The following TWSG1 variants were observed in gnomAD, a reference collection of about 807,000 sequenced individuals.
The protein encoded by TWSG1 is twisted gastrulation protein homolog 1.
In TWSG1, 15 loss-of-function variants were observed where a neutral mutation model predicts 23.0. The ratio of observed to expected loss-of-function variants is 0.65; its 90% CI spans 0.44 to 1.00. The LOEUF is 1.00. Among genes scored for constraint, TWSG1 ranks in the 50% least tolerant of loss-of-function variants. The pLI is 0.00. For synonymous variants in TWSG1, 86 were observed against 92.8 expected (o/e 0.93, Z 0.42); for missense variants, 242 against 278.7 (o/e 0.87, Z 0.94).
In TWSG1 at chr18:9,337,251, G is replaced by T. The variant is rs751201828; in HGVS notation, c.22G>T (p.Val8Leu). ...AAACATGAAGTTACACTATGTTGCT[G>T]TGCTTACTCTAGCCATCCTGATGTT... Reference protein sequence around the residue: MKLHYVAVLTLAILMFLT... With the variant: MKLHYVALLTLAILMFLT... Residue 8 changes from valine (V) to leucine (L), a missense_variant, in exon 2 of 5, where the codon GTG (valine) becomes TTG (leucine). By Grantham distance (32) the Val-to-Leu change is conservative. Coordinates refer to ENST00000262120, the MANE Select transcript of TWSG1 (RefSeq NM_020648.6). The T allele has an allele frequency of 1.9e-6, 3 of 1,612,594 alleles. No individual in the cohort carries two copies. Among genetic ancestry groups the T allele is most frequent in the South Asian group, 2.2e-5 (2 of 91,076 alleles).
chr18:9,370,890 C>A (rs1002890106), intron 3 of TWSG1, among the ~76,000 whole-genome samples: 7 of 151,996 alleles, frequency 4.6e-5, no homozygotes, highest in African/African-American at 1.7e-4. Flanking sequence ...TAAACTTTTT[C>A]TTCCAAAAAA....
intron 2 of TWSG1, among the ~76,000 whole-genome samples, chr18:9,338,838 C>T (rs1393810413): frequency 6.6e-6 from 1 of 152,152 alleles, no homozygotes; most frequent in Non-Finnish European, 1.5e-5. Flanking sequence ...GATGGAAATT[C>T]TCTTAAATTC....
intron 2 of TWSG1, among the ~76,000 whole-genome samples, chr18:9,359,496 T>G (rs1291230428): frequency 6.6e-6 from 1 of 152,242 alleles, no homozygotes; most frequent in South Asian, 2.1e-4. Context: ...AATTGCCACC[T>G]TCTTTGTAAA....
chr18:9,336,628 T>C (rs1568029532), intron 1 of TWSG1, among the ~76,000 whole-genome samples: 1 of 152,074 alleles, frequency 6.6e-6, no homozygotes, highest in Non-Finnish European at 1.5e-5. Context: ...TATAATACAA[T>C]ATTAATAGTT....
intron 3 of TWSG1, among the ~76,000 whole-genome samples, chr18:9,362,415 C>T (rs1006100899): frequency 6.6e-6 from 1 of 152,080 alleles, no homozygotes; most frequent in African/African-American, 2.4e-5. Flanking sequence ...GCCATGTTGC[C>T]CAGGCTGGTC....
In TWSG1 at chr18:9,396,375, C is replaced by G. The variant is rs1458974116; in HGVS notation, c.319C>G (p.Leu107Val). ...HEPIPSLFRALTEGDTQLNWN... is the reference protein window; with the variant it reads ...HEPIPSLFRAVTEGDTQLNWN... ...ACCGATCCCTTCTCTCTTCCGGGCA[C>G]TCACAGAAGGAGATACTCAGTTGAA... The change falls in exon 4 of 5, where the codon CTC becomes GTC. Residue 107 changes from leucine to valine, a missense_variant. Transcript: ENST00000262120. The G allele has an allele frequency of 6.2e-7, 1 of 1,614,042 alleles. No individual in the cohort carries two copies. Among genetic ancestry groups the G allele is most frequent in the Non-Finnish European group, 8.5e-7 (1 of 1,180,030 alleles).
In TWSG1 at chr18:9,361,388, G is replaced by A. The variant is rs77343068; in HGVS notation, c.223+1317G>A. 5.7e-3 allele frequency among the ~76,000 whole-genome samples: 868 copies of A among 152,258 alleles called. 10 individuals are homozygous for A. The highest frequency in any genetic ancestry group is 0.02 in the African/African-American group (832 of 41,542). ...TTGCATGATTTCCATTTTCTCAGGT[G>A]TCTGGTGACCCTTGGCTGTCTATTC... On this transcript the variant is annotated intron_variant, in intron 3 of 4. Transcript: ENST00000262120.
At chr18:9,402,417 ATGAG>A (rs1298830707) in exon 5 of TWSG1, 1 of 152,222 alleles carries the variant, frequency 6.6e-6, no homozygotes, top group Non-Finnish European at 1.5e-5. Flanking sequence ...AAAAATTGAA[ATGAG>A]TGAGTCATAT....
At chr18:9,353,947 G>A (rs1159356540) in intron 2 of TWSG1, among the ~76,000 whole-genome samples, 4 of 152,074 alleles carry the variant, frequency 2.6e-5, no homozygotes, top group African/African-American at 9.7e-5. Flanking sequence ...GATTAAACTT[G>A]GGCAATAGCA....
At chr18:9,335,536 G>C (rs376626199) in intron 1 of TWSG1, among the ~76,000 whole-genome samples, 1 of 152,290 alleles carries the variant, frequency 6.6e-6, no homozygotes, top group East Asian at 1.9e-4. Flanking sequence ...TGGGAAAGGG[G>C]GGAAATCCCA....
At chr18:9,356,439 A>G (rs1354343200) in intron 2 of TWSG1, among the ~76,000 whole-genome samples, 2 of 152,212 alleles carry the variant, frequency 1.3e-5, no homozygotes, top group East Asian at 3.8e-4. Flanking sequence ...TAAAAGGCAT[A>G]ATGAATGCTT....
chr18:9,365,965 C>G (rs545241660), intron 3 of TWSG1, among the ~76,000 whole-genome samples: 2 of 151,948 alleles, frequency 1.3e-5, no homozygotes, highest in South Asian at 2.1e-4. Flanking sequence ...ATAATTGCAC[C>G]CCTGCACTCC....
intron 4 of TWSG1, 50 bp from the exon 5 acceptor site, chr18:9,399,292 ATTTT>A (rs1416878438): frequency 3.0e-6 from 4 of 1,328,040 alleles, no homozygotes; most frequent in African/African-American, 1.5e-5. Context: ...AAAGCATTTT[ATTTT>A]TTTGTTTTTC....
chr18:9,339,560 A>C (rs997577394), intron 2 of TWSG1, among the ~76,000 whole-genome samples: 13 of 152,266 alleles, frequency 8.5e-5, no homozygotes, highest in African/African-American at 2.9e-4. Context: ...GAGCTCAAGC[A>C]ATCTGCCACC....
At chr18:9,371,598 A>G (rs2145617384) in intron 3 of TWSG1, among the ~76,000 whole-genome samples, 1 of 151,682 alleles carries the variant, frequency 6.6e-6, no homozygotes, top group South Asian at 2.1e-4. Flanking sequence ...CCCAGCCTAT[A>G]AATCACTTAT....
chr18:9,344,517 G>GTGTGTGTGTGTGTATA (rs1555650744), intron 2 of TWSG1, among the ~76,000 whole-genome samples: 2 of 105,762 alleles, frequency 1.9e-5, no homozygotes, highest in African/African-American at 7.1e-5. Context: ...GTGTGTGTGT[G>GTGTGTGTGTGTGTATA]TGTGTATGTA....
chr18:9,368,298 T>G (rs901466199), intron 3 of TWSG1, among the ~76,000 whole-genome samples: 5 of 152,140 alleles, frequency 3.3e-5, no homozygotes, highest in African/African-American at 9.7e-5. Context: ...GCCTCCTGGA[T>G]TCAAGCAATT....
intron 3 of TWSG1, among the ~76,000 whole-genome samples, chr18:9,361,531 C>T (rs577778156): frequency 1.1e-4 from 17 of 152,250 alleles, no homozygotes; most frequent in Admixed American, 3.3e-4. Flanking sequence ...TTTTCACTGA[C>T]GAGCCCTCTA....
At chr18:9,386,728 C>T (rs2040686661) in intron 3 of TWSG1, among the ~76,000 whole-genome samples, 1 of 152,122 alleles carries the variant, frequency 6.6e-6, no homozygotes, top group South Asian at 2.1e-4. Context: ...ACATGTGGCA[C>T]ATCTTCACAA....
Sources: allele counts gnomAD v4.1 joint callset (sites outside exome capture counted in the v4.1 genomes callset), GRCh38; gene constraint gnomAD v4.1.1; transcripts MANE v1.5; gene names NCBI Gene and HGNC (gene_info 2026-07-23, HGNC 2026-07-21).